Variants in EFTUD2 observed in about 807,000 individuals in gnomAD.
The protein encoded by EFTUD2 is elongation factor Tu GTP binding domain containing 2, also known as 116 kDa U5 small nuclear ribonucleoprotein component.
In EFTUD2, 9 loss-of-function variants were observed where a neutral mutation model predicts 114.3. The observed-to-expected ratio is 0.08, with a 90% CI of 0.05 to 0.14. EFTUD2 has a LOEUF of 0.14. Among genes scored for constraint, EFTUD2 ranks in the 10% least tolerant of loss-of-function variants. The pLI, the probability that EFTUD2 is intolerant of heterozygous loss-of-function variation, is 1.00. For synonymous variants in EFTUD2, 449 were observed against 462.3 expected (o/e 0.97, Z 0.37); for missense variants, 765 against 1,241.2 (o/e 0.62, Z 5.76).
intron 10 of EFTUD2, among the ~76,000 whole-genome samples, chr17:44,873,517 G>C (rs930642519): frequency 6.6e-6 from 1 of 151,942 alleles, no homozygotes; most frequent in Admixed American, 6.6e-5. Context: ...CACCAAGCCT[G>C]GCTAATTTTT....
rs180744327 is a variant in EFTUD2 at position 44,894,597 on chromosome 17, C to T, written c.-4-72G>A. 3.8e-5 allele frequency: 43 copies of T among 1,146,412 alleles called. 1 individual carries two copies. The highest frequency in any genetic ancestry group is 2.7e-4 in the African/African-American group (18 of 65,904). 71.0% of individuals were successfully genotyped at this position (1,146,412 alleles called of 1,614,324 possible). A position where few individuals can be genotyped will look rare whatever the true frequency, so the allele number is the denominator to read the frequency against. On this transcript the variant is annotated intron_variant, in intron 1 of 27. Coordinates refer to ENST00000426333, the MANE Select transcript of EFTUD2 (RefSeq NM_004247.4). ...GCCTTCATGTGGTGGCTCCACCTGTCTAGTCTTAGTCTTATGGTTGGCCAT... is the reference window on the plus strand; with the variant it reads ...GCCTTCATGTGGTGGCTCCACCTGTTTAGTCTTAGTCTTATGGTTGGCCAT...
At chr17:44,893,690 G>C (rs1425026063) in intron 2 of EFTUD2, among the ~76,000 whole-genome samples, 2 of 145,468 alleles carry the variant, frequency 1.4e-5, no homozygotes, top group African/African-American at 5.1e-5. Context: ...GTTATAAAAA[G>C]GACAATCTCA....
chr17:44,851,678 G>C (rs1320962368), intron 27 of EFTUD2, 32 bp downstream of exon 27: 3 of 1,539,216 alleles, frequency 1.9e-6, no homozygotes, highest in Non-Finnish European at 2.6e-6. Flanking sequence ...CTGGGGGGTT[G>C]AGGGATGGCA....
chr17:44,874,144 T>C (rs1476651371), intron 10 of EFTUD2, among the ~76,000 whole-genome samples: 1 of 150,812 alleles, frequency 6.6e-6, no homozygotes, highest in Non-Finnish European at 1.5e-5. Context: ...TTGGCTCAAG[T>C]GATCCTCTTG....
chr17:44,889,593 G>T (rs781708661), intron 2 of EFTUD2, among the ~76,000 whole-genome samples: 3 of 152,196 alleles, frequency 2.0e-5, no homozygotes, highest in Admixed American at 1.3e-4. Context: ...GAACGGAAGG[G>T]AAGGCATCGT....
chr17:44,860,595 ATTTTTTT>A (rs34404174), intron 16 of EFTUD2, 52 bp from the exon 17 acceptor site: 26 of 672,274 alleles, frequency 3.9e-5, no homozygotes, highest in African/African-American at 6.4e-5. Context: ...GCATTCCCTA[ATTTTTTT>A]TTTTTTTTTT....
chr17:44,879,086 T>C (rs2051023915), intron 9 of EFTUD2, among the ~76,000 whole-genome samples: 1 of 152,122 alleles, frequency 6.6e-6, no homozygotes, highest in Non-Finnish European at 1.5e-5. Context: ...ACATTGATAA[T>C]TTTTTTCTTC....
At position 44,867,762 on chromosome 17, in the gene EFTUD2, G is replaced by A. The variant is rs181053308; in HGVS notation, c.1149+45C>T. The A allele has an allele frequency of 1.5e-3, 2,191 of 1,457,454 alleles. 5 individuals carry two copies. The highest frequency in any genetic ancestry group is 3.3e-3 in the Middle Eastern group (13 of 3,994). The allele number at this position is 1,457,454 out of a possible 1,614,324, so 90.3% of individuals were successfully genotyped here. On this transcript the variant is annotated intron_variant, in intron 13 of 27. Coordinates refer to ENST00000426333, the MANE Select transcript of EFTUD2 (RefSeq NM_004247.4). ...GTGAGTTCACCAGCTCTTCCACACTGTGCTTATAAGAGCAGATCTGCCCAG... is the reference window on the plus strand; with the variant it reads ...GTGAGTTCACCAGCTCTTCCACACTATGCTTATAAGAGCAGATCTGCCCAG...
At chr17:44,897,383 A>G (rs2051409321) in intron 1 of EFTUD2, among the ~76,000 whole-genome samples, 1 of 152,156 alleles carries the variant, frequency 6.6e-6, no homozygotes, top group South Asian at 2.1e-4. Context: ...AATACCAAAA[A>G]GTGGCAAGAA....
chr17:44,864,079 A>G (rs1009788521), intron 14 of EFTUD2: 2 of 238,362 alleles, frequency 8.4e-6, no homozygotes, highest in African/African-American at 4.6e-5. Flanking sequence ...TATTGGCTAT[A>G]CGCATTTACG....
At chr17:44,890,370 T>G (rs1216466290) in intron 2 of EFTUD2, among the ~76,000 whole-genome samples, 1 of 148,164 alleles carries the variant, frequency 6.7e-6, no homozygotes, top group East Asian at 2.0e-4. Context: ...TCTATGCATC[T>G]CTACTGTTAT....
chr17:44,885,144 C>A, intron 4 of EFTUD2, 112 bp downstream of exon 4: 1 of 777,322 alleles, frequency 1.3e-6, no homozygotes, highest in Non-Finnish European at 2.2e-6. Flanking sequence ...AATTTGAGAG[C>A]TATGTACGGC....
chr17:44,865,875 G>T lies in EFTUD2; in HGVS notation c.1150-810C>A, dbSNP rs531358804. Among the ~76,000 whole-genome samples the T allele has an allele frequency of 1.2e-3, 178 of 151,978 alleles. 1 individual carries two copies. Among genetic ancestry groups the T allele is most frequent in the African/African-American group, 4.2e-3 (172 of 41,430 alleles). ...CACCCAGCCTGGAGTGCAGTGGTGT[G>T]ATCACGGCTCACTGCAACCTCCACC... On this transcript the variant is annotated intron_variant, in intron 13 of 27. Transcript: ENST00000426333.
At chr17:44,887,388 T>A (rs1018691556) in intron 2 of EFTUD2, among the ~76,000 whole-genome samples, 2 of 152,256 alleles carry the variant, frequency 1.3e-5, no homozygotes, top group Non-Finnish European at 2.9e-5. Context: ...GTGGCATTAT[T>A]TATAATAGCC....
intron 9 of EFTUD2, 104 bp from the exon 10 acceptor site, chr17:44,876,204 A>C: frequency 1.5e-6 from 2 of 1,318,982 alleles, no homozygotes; most frequent in Non-Finnish European, 1.0e-6. Flanking sequence ...GCCTGGGGAG[A>C]AAAAAAGACC....
intron 25 of EFTUD2, 76 bp from the exon 26 acceptor site, chr17:44,852,638 TC>T (rs1209003731): frequency 6.5e-7 from 1 of 1,535,456 alleles, no homozygotes; most frequent in Non-Finnish European, 8.9e-7. Flanking sequence ...GCATTTGCTG[TC>T]CCCCAAATGC....
At chr17:44,861,560 G>A (rs1477258184) in intron 16 of EFTUD2, among the ~76,000 whole-genome samples, 6 of 151,714 alleles carry the variant, frequency 4.0e-5, no homozygotes, top group Non-Finnish European at 5.9e-5. Flanking sequence ...GGTGAAACCT[G>A]TCTCTACTAA....
chr17:44,880,334 T>C (rs887827866), intron 8 of EFTUD2: 1 of 404,200 alleles, frequency 2.5e-6, no homozygotes, highest in African/African-American at 2.1e-5. Context: ...CATTTTTAAA[T>C]ATTCGAAAGA....
At chr17:44,882,969 A>T (rs1359015641) in intron 6 of EFTUD2, 124 bp downstream of exon 6, 1 of 819,814 alleles carries the variant, frequency 1.2e-6, no homozygotes, top group Admixed American at 3.0e-5. Context: ...GATCACAATT[A>T]TAAAGCTGCA....
Sources: gnomAD v4.1 joint callset for allele counts (sites outside exome capture counted in the v4.1 genomes callset) on GRCh38, gnomAD v4.1.1 for gene constraint, MANE v1.5 for transcripts, NCBI Gene and HGNC (gene_info 2026-07-23, HGNC 2026-07-21) for gene names.